Variants in TNKS observed in about 807,000 individuals in gnomAD.
TNKS encodes the protein poly [ADP-ribose] polymerase tankyrase-1.
Under a neutral mutation model 135.8 loss-of-function variants are expected in TNKS, and 72 were observed. That is an observed-to-expected ratio of 0.53 (90% CI 0.44 to 0.64). TNKS has a LOEUF of 0.64. Among genes scored for constraint, TNKS ranks in the 30% least tolerant of loss-of-function variants. The probability of loss-of-function intolerance (pLI) is 0.00; values close to 1 mark genes in which losing one functional copy is unlikely to be tolerated. For synonymous variants in TNKS, 849 were observed against 649.3 expected (o/e 1.31, Z -4.68); for missense variants, 1,769 against 1,674.0 (o/e 1.06, Z -0.99).
At chr8:9,622,894 G>C (rs891139414) in intron 3 of TNKS, among the ~76,000 whole-genome samples, 13 of 152,318 alleles carry the variant, frequency 8.5e-5, no homozygotes, top group African/African-American at 3.1e-4. Flanking sequence ...TGAAACCACA[G>C]ATAGTACTGA....
intron 3 of TNKS, among the ~76,000 whole-genome samples, chr8:9,652,091 T>A (rs541221521): frequency 1.3e-5 from 2 of 152,336 alleles, no homozygotes; most frequent in East Asian, 3.9e-4. Flanking sequence ...ACTTTCATCA[T>A]AGCTTTTTAT....
At chr8:9,757,941 T>C (rs999704691) in intron 20 of TNKS, among the ~76,000 whole-genome samples, 2 of 152,236 alleles carry the variant, frequency 1.3e-5, no homozygotes, top group African/African-American at 4.8e-5. Flanking sequence ...CTGATAGATA[T>C]GTGGACAAAT....
At chr8:9,648,048 A>T (rs1356012711) in intron 3 of TNKS, among the ~76,000 whole-genome samples, 1 of 152,154 alleles carries the variant, frequency 6.6e-6, no homozygotes, top group African/African-American at 2.4e-5. Flanking sequence ...GAGAGACAGT[A>T]TGTCTTCTGT....
At chr8:9,728,324 C>A (rs978066293) in intron 13 of TNKS, among the ~76,000 whole-genome samples, 3 of 152,162 alleles carry the variant, frequency 2.0e-5, no homozygotes, top group African/African-American at 7.2e-5. Flanking sequence ...CTGAATAAAG[C>A]ATTTGAAATT....
chr8:9,758,302 A>G (rs529586059), intron 20 of TNKS, among the ~76,000 whole-genome samples: 14 of 152,194 alleles, frequency 9.2e-5, no homozygotes, highest in Non-Finnish European at 1.9e-4. Context: ...GCAAGTATAG[A>G]AAGTTGTCCC....
At chr8:9,564,092 A>G (rs1049975206) in intron 1 of TNKS, among the ~76,000 whole-genome samples, 1 of 152,204 alleles carries the variant, frequency 6.6e-6, no homozygotes, top group Non-Finnish European at 1.5e-5. Context: ...CTCTGTTTAT[A>G]TAACCTATGA....
At chr8:9,639,433 T>C (rs1013276674) in intron 3 of TNKS, among the ~76,000 whole-genome samples, 1 of 152,042 alleles carries the variant, frequency 6.6e-6, no homozygotes, top group African/African-American at 2.4e-5. Context: ...ATTTATTTTT[T>C]ATTGAAATGA....
intron 2 of TNKS, among the ~76,000 whole-genome samples, chr8:9,600,325 G>T (rs1229173014): frequency 6.6e-6 from 1 of 152,216 alleles, no homozygotes. Flanking sequence ...AAGTTGTGGG[G>T]TTTTTTGAGA....
chr8:9,588,393 G>C lies in TNKS; in HGVS notation c.898+8010G>C, dbSNP rs541826489. Among the ~76,000 whole-genome samples, 415 of 152,052 alleles carry C rather than the reference G, an allele frequency of 2.7e-3. 4 individuals carry two copies. Among genetic ancestry groups the C allele is most frequent in the African/African-American group, 9.3e-3 (384 of 41,478 alleles). ...AGGTTCACGCCATGCTCTTGCCTCA[G>C]CCTCCCGAGTAGCTGGGACTACAGG... On this transcript the variant is annotated intron_variant, in intron 2 of 26. Coordinates refer to ENST00000310430, the MANE Select transcript of TNKS (RefSeq NM_003747.3).
intron 3 of TNKS, among the ~76,000 whole-genome samples, chr8:9,624,785 A>T (rs1799995009): frequency 6.6e-6 from 1 of 152,180 alleles, no homozygotes; most frequent in Non-Finnish European, 1.5e-5. Flanking sequence ...GATCCCCTGA[A>T]GATGCAGATG....
At chr8:9,750,022 C>T in intron 18 of TNKS, among the ~76,000 whole-genome samples, 1 of 152,198 alleles carries the variant, frequency 6.6e-6, no homozygotes, top group East Asian at 1.9e-4. Context: ...AAGCTCCACC[C>T]ACAAATCTTT....
At position 9,672,147 on chromosome 8, in the gene TNKS, A is replaced by G. The variant is rs149275834; in HGVS notation, c.995-7804A>G. Among the ~76,000 whole-genome samples, 33 of 152,314 alleles carry G rather than the reference A, an allele frequency of 2.2e-4. No homozygotes were observed. The East Asian group carries it at 6.0e-3, about 28-fold the overall frequency. Reference sequence around the variant, plus strand: ...AGTAGTGATATTGGCATATTGTTCCAATTGTTCTGTTTTATTAGAGATTAT... The same window carrying G: ...AGTAGTGATATTGGCATATTGTTCCGATTGTTCTGTTTTATTAGAGATTAT... On this transcript the variant is annotated intron_variant, in intron 3 of 26. Coordinates refer to ENST00000310430, the MANE Select transcript of TNKS (RefSeq NM_003747.3).
intron 3 of TNKS, among the ~76,000 whole-genome samples, chr8:9,655,973 G>A (rs1329511577): frequency 6.6e-6 from 1 of 152,126 alleles, no homozygotes; most frequent in Non-Finnish European, 1.5e-5. Flanking sequence ...TGAACCGATG[G>A]CAAAGAAGTT....
intron 3 of TNKS, among the ~76,000 whole-genome samples, chr8:9,675,178 A>T (rs796242067): frequency 2.6e-5 from 4 of 152,322 alleles, no homozygotes; most frequent in African/African-American, 9.6e-5. Context: ...TTCCACAGCC[A>T]CATAGCTGGT....
chr8:9,624,723 A>G (rs950935302), intron 3 of TNKS, among the ~76,000 whole-genome samples: 3 of 152,064 alleles, frequency 2.0e-5, no homozygotes, highest in African/African-American at 4.8e-5. Context: ...AGAGACTGTA[A>G]TGTGTTAGTA....
intron 26 of TNKS, 45 bp downstream of exon 26, chr8:9,770,307 C>T: frequency 1.9e-6 from 3 of 1,567,544 alleles, no homozygotes; most frequent in Non-Finnish European, 2.6e-6. Flanking sequence ...ACAAACATGT[C>T]AATAGAGCAC....
chr8:9,694,889 T>C (rs966735388), intron 5 of TNKS, among the ~76,000 whole-genome samples: 1 of 152,132 alleles, frequency 6.6e-6, no homozygotes, highest in African/African-American at 2.4e-5. Flanking sequence ...CCTAAGAAAT[T>C]AAAAATATTT....
chr8:9,761,205 G>A (rs549251931), intron 20 of TNKS, among the ~76,000 whole-genome samples: 1 of 152,286 alleles, frequency 6.6e-6, no homozygotes, highest in Non-Finnish European at 1.5e-5. Flanking sequence ...CTATCTTGAG[G>A]CAAGCAGTAG....
At chr8:9,588,138 A>G (rs563661302) in intron 2 of TNKS, among the ~76,000 whole-genome samples, 1 of 152,366 alleles carries the variant, frequency 6.6e-6, no homozygotes, top group East Asian at 1.9e-4. Flanking sequence ...GAAACTTAAA[A>G]AAAATAAATT....
Sources: gnomAD v4.1 joint callset for allele counts (sites outside exome capture counted in the v4.1 genomes callset) on GRCh38, gnomAD v4.1.1 for gene constraint, MANE v1.5 for transcripts, NCBI Gene and HGNC (gene_info 2026-07-23, HGNC 2026-07-21) for gene names.